BCAT2: variants seen among roughly 807,000 people sequenced by gnomAD.
BCAT2 encodes branched chain amino acid transaminase 2.
A neutral mutation model predicts 52.9 loss-of-function variants in BCAT2; 44 were observed. That is an observed-to-expected ratio of 0.83 (90% confidence interval 0.65 to 1.07). The LOEUF (loss-of-function observed/expected upper bound fraction) is 1.07, where lower values mean the gene tolerates loss of function less well. Among genes scored for constraint, BCAT2 ranks in the 50% least tolerant of loss-of-function variants. The pLI is 0.00. For missense variants in BCAT2, 478 were observed against 521.8 expected (o/e 0.92, Z 0.82); for synonymous variants, 215 against 217.1 (o/e 0.99, Z 0.08).
rs528528964 is a variant in BCAT2, at chr19:48,795,064, T to C, written c.*362A>G. On this transcript the variant is annotated 3_prime_UTR_variant, in exon 11 of 11. Transcript: ENST00000316273. ...ACGTCACTGAAGAAGCCCGACAATG[T>C]GTGTTCTTTGGCATTTTATTTCAAA... The C allele has an allele frequency of 9.3e-6, 3 of 323,390 alleles. No homozygotes were observed. The South Asian group carries it at 1.2e-4, about 13-fold the overall frequency. 20.0% of individuals were successfully genotyped at this position (323,390 alleles called of 1,614,324 possible).
At chr19:48,797,112 C>T (rs940469790) in intron 7 of BCAT2, 79 bp downstream of exon 7, 1 of 1,606,566 alleles carries the variant, frequency 6.2e-7, no homozygotes. Context: ...TCCCAGAATC[C>T]CTGGGGCCTG....
In BCAT2 at chr19:48,799,678, C is replaced by T. The variant is rs755892212; in HGVS notation, c.692G>A (p.Gly231Asp). 3.8e-6 allele frequency: 6 copies of T among 1,577,876 alleles called. No individual in the cohort carries two copies. The East Asian group carries it at 1.4e-4, about 36-fold the overall frequency. ...WVGGVGNYKL[G>D]GNYGPTVLVQ... ...TGGGGATGGGGGTGCTACTTACCCA[C>T]CTAACTTGTAGTTGCCGACCCCGCC... Residue 231 changes from glycine (G) to aspartate (D), a missense_variant, in exon 6 of 11, where the codon GGT becomes GAT. Physicochemically the swap from Gly to Asp is moderately conservative, Grantham distance 94. Transcript: ENST00000316273. This position sits in a 1 kb window ranked among gnomAD's most constrained non-coding sequence, Gnocchi z 5.5.
rs2034627620 is a variant in BCAT2 at position 48,800,199 on chromosome 19, G to A, written c.399C>T (p.Arg133=). ...CGGGACCCCTCACCGGCAGGCACAG[G>A]CGCATGGCTGAGCGCAGCATCCGGT... ...NMDRMLRSAM[R]LCLPSFDKLE... The change falls in exon 4 of 11, where the codon CGC becomes CGT. Residue 133 remains arginine (R), a synonymous_variant. Coordinates refer to ENST00000316273, the MANE Select transcript of BCAT2 (RefSeq NM_001190.4). 1.2e-6 allele frequency: 2 copies of A among 1,613,532 alleles called. No homozygotes were observed. Among genetic ancestry groups the A allele is most frequent in the Admixed American group, 3.3e-5 (2 of 59,998 alleles).
Position 48,795,328 on chromosome 19 carries a change from T to C in BCAT2, c.*98A>G. 6.5e-7 allele frequency: 1 copy of C among 1,531,186 alleles called. No individual in the cohort carries two copies. Among genetic ancestry groups the C allele is most frequent in the Non-Finnish European group, 9.0e-7 (1 of 1,114,934 alleles). 94.8% of individuals were successfully genotyped at this position (1,531,186 alleles called of 1,614,324 possible). On this transcript the variant is annotated 3_prime_UTR_variant, in exon 11 of 11. Coordinates refer to ENST00000316273, the MANE Select transcript of BCAT2 (RefSeq NM_001190.4). ...ACCCAGACGCCGCCCGCTGGCCTTT[T>C]ATTTCGTATTGCACTTCAGGTGAGT...
chr19:48,806,979 C>T, intron 2 of BCAT2, 21 bp downstream of exon 2: 1 of 1,610,856 alleles, frequency 6.2e-7, no homozygotes, highest in Non-Finnish European at 8.5e-7. Flanking sequence ...CAGAGCCAAG[C>T]ATCGAGTTCC....
At chr19:48,796,387 G>A (rs781282409) in intron 10 of BCAT2, 41 bp downstream of exon 10, 37 of 1,612,412 alleles carry the variant, frequency 2.3e-5, no homozygotes, top group Non-Finnish European at 3.1e-5. Flanking sequence ...CTTCTCCAGG[G>A]AACAAGCTCC....
intron 3 of BCAT2, among the ~76,000 whole-genome samples, chr19:48,805,634 G>T (rs1211529008): frequency 7.8e-6 from 1 of 127,526 alleles, no homozygotes; most frequent in Non-Finnish European, 1.7e-5. Flanking sequence ...ATCTCCAACT[G>T]TCCCCTCTCC....
Position 48,795,259 on chromosome 19 carries a change from C to T in BCAT2, c.*167G>A, listed in dbSNP as rs113812748. 934 of 833,176 alleles carry T rather than the reference C, an allele frequency of 1.1e-3. 7 individuals are homozygous for T. In the African/African-American group the frequency reaches 0.014, roughly 12 times the overall value. 51.6% of individuals were successfully genotyped at this position (833,176 alleles called of 1,614,324 possible). A position where few individuals can be genotyped will look rare whatever the true frequency, so the allele number is the denominator to read the frequency against. On this transcript the variant is annotated 3_prime_UTR_variant, in exon 11 of 11. Coordinates refer to ENST00000316273, the MANE Select transcript of BCAT2 (RefSeq NM_001190.4). ...TGGGGGCCAAGATGCCTGGGTCGGC[C>T]CTTACGGCTTTGGGAGTGTCGCAAC...
Position 48,795,146 on chromosome 19 carries a change from G to A in BCAT2, c.*280C>T. 1 of 541,778 alleles carries A rather than the reference G, an allele frequency of 1.8e-6. No individual in the cohort carries two copies. The highest frequency in any genetic ancestry group is 3.3e-6 in the Non-Finnish European group (1 of 301,756). The allele number at this position is 541,778 out of a possible 1,614,324, so 33.6% of individuals were successfully genotyped here. A position where few individuals can be genotyped will look rare whatever the true frequency, so the allele number is the denominator to read the frequency against. On this transcript the variant is annotated 3_prime_UTR_variant, in exon 11 of 11. Coordinates refer to ENST00000316273, the MANE Select transcript of BCAT2 (RefSeq NM_001190.4). ...CGGCAGCACCAGGGGTCTGGCCTGA[G>A]AACGGAGAGATCCGGAATCGGGGCC...
intron 1 of BCAT2, chr19:48,808,425 A>C: frequency 1.1e-5 from 3 of 278,014 alleles, no homozygotes; most frequent in Non-Finnish European, 1.6e-5. Flanking sequence ...AAAAACAGAA[A>C]TTGACGCCAA....
At chr19:48,797,362 G>T (rs772117565) in intron 6 of BCAT2, 29 bp from the exon 7 acceptor site, 5 of 1,612,634 alleles carry the variant, frequency 3.1e-6, no homozygotes, top group Non-Finnish European at 3.4e-6. Context: ...GTTGGGTGGG[G>T]CAAGGGAGCC....
chr19:48,797,547 T>C (rs2122653461), intron 6 of BCAT2: 4 of 591,828 alleles, frequency 6.8e-6, no homozygotes, highest in South Asian at 2.2e-5. Context: ...CACTTTTCTT[T>C]CTTTTCTTTT....
intron 7 of BCAT2, 42 bp downstream of exon 7, chr19:48,797,149 C>T (rs1159231628): frequency 6.2e-7 from 1 of 1,610,776 alleles, no homozygotes; most frequent in Non-Finnish European, 8.5e-7. Context: ...ATGGTGCCAC[C>T]CACTTCCACC....
In BCAT2 at chr19:48,806,913, C is replaced by G; in HGVS notation, c.99+87G>C. 2.7e-6 allele frequency: 4 copies of G among 1,497,670 alleles called. No individual in the cohort carries two copies. In the African/African-American group the frequency reaches 5.5e-5, roughly 21 times the overall value. 92.8% of individuals were successfully genotyped at this position (1,497,670 alleles called of 1,614,324 possible). The stretch of plus-strand genomic sequence containing the variant: ...AAGCTACCACCACTCACTGCCATCT[C>G]TGGGCTGTGGACCTTTTGGAGATGC... On this transcript the variant is annotated intron_variant, in intron 2 of 10. Transcript: ENST00000316273.
At chr19:48,800,339 G>T in intron 3 of BCAT2, 42 bp from the exon 4 acceptor site, 1 of 1,559,944 alleles carries the variant, frequency 6.4e-7, no homozygotes. Flanking sequence ...GACTTCTCCA[G>T]ACAGTCATGA....
intron 1 of BCAT2, among the ~76,000 whole-genome samples, chr19:48,808,492 C>T (rs1253836794): frequency 6.6e-6 from 1 of 152,048 alleles, no homozygotes; most frequent in Admixed American, 6.6e-5. Flanking sequence ...CGCAGTGGCT[C>T]GCGCCTGTAA....
At chr19:48,808,072 G>A (rs2034832648) in intron 1 of BCAT2, 2 of 987,340 alleles carry the variant, frequency 2.0e-6, no homozygotes, top group Non-Finnish European at 2.4e-6. Flanking sequence ...GAAGATGGAC[G>A]TGAATGGGCG....
At chr19:48,809,880 T>G (rs1409350301) in intron 1 of BCAT2, among the ~76,000 whole-genome samples, 3 of 151,646 alleles carry the variant, frequency 2.0e-5, no homozygotes, top group Non-Finnish European at 4.4e-5. Context: ...AGCACTGTCC[T>G]CTCCACACCC....
In BCAT2 at chr19:48,799,913, G is replaced by T; in HGVS notation, c.531+68C>A. Reference sequence around the variant, plus strand: ...CCCGTCCCCAGGCCCAGGCCTCCAGGACCCCACCCCTGCCCTGCAGAATCC... The same window carrying T: ...CCCGTCCCCAGGCCCAGGCCTCCAGTACCCCACCCCTGCCCTGCAGAATCC... On this transcript the variant is annotated intron_variant, in intron 5 of 10. Transcript: ENST00000316273. The surrounding 1 kb of genome is among the most constrained non-coding windows in gnomAD (Gnocchi z 5.5). The T allele has an allele frequency of 6.2e-7, 1 of 1,602,334 alleles. No homozygotes were observed. Among genetic ancestry groups the T allele is most frequent in the Non-Finnish European group, 8.5e-7 (1 of 1,174,588 alleles).
Sources: allele counts gnomAD v4.1 joint callset (sites outside exome capture counted in the v4.1 genomes callset), GRCh38; gene constraint gnomAD v4.1.1; non-coding constraint Gnocchi (gnomAD v3.1); transcripts MANE v1.5; gene names NCBI Gene and HGNC (gene_info 2026-07-23, HGNC 2026-07-21).